The following ITFG1 variants were observed in gnomAD, a reference collection of about 807,000 sequenced individuals.
ITFG1 encodes T-cell immunomodulatory protein.
Under a neutral mutation model 81.8 loss-of-function variants are expected in ITFG1, and 34 were observed. The ratio of observed to expected loss-of-function variants is 0.42; its 90% CI spans 0.32 to 0.55. ITFG1 has a LOEUF of 0.55. Among genes scored for constraint, ITFG1 ranks in the 20% least tolerant of loss-of-function variants. ITFG1 has a pLI of 0.17. For missense variants in ITFG1, 672 were observed against 755.4 expected (o/e 0.89, Z 1.29); for synonymous variants, 285 against 270.6 (o/e 1.05, Z -0.52).
At chr16:47,312,864 T>C (rs1198186052) in intron 9 of ITFG1, 1 of 152,232 alleles carries the variant, frequency 6.6e-6, no homozygotes, top group Non-Finnish European at 1.5e-5. Flanking sequence ...TTTGAAAATA[T>C]TCTTACAGTA....
intron 6 of ITFG1, among the ~76,000 whole-genome samples, chr16:47,417,586 C>G (rs1307051733): frequency 6.6e-6 from 1 of 152,180 alleles, no homozygotes; most frequent in East Asian, 1.9e-4. Context: ...TTGACTATCT[C>G]TATGAGATAA....
At chr16:47,443,201 C>G (rs1001766244) in intron 5 of ITFG1, among the ~76,000 whole-genome samples, 1 of 152,148 alleles carries the variant, frequency 6.6e-6, no homozygotes, top group Non-Finnish European at 1.5e-5. Flanking sequence ...CAATGAGATA[C>G]CATTTCATAC....
At chr16:47,249,753 C>T (rs1000978257) in intron 12 of ITFG1, among the ~76,000 whole-genome samples, 1 of 152,150 alleles carries the variant, frequency 6.6e-6, no homozygotes, top group African/African-American at 2.4e-5. Flanking sequence ...CTGTATGTTA[C>T]AGTCCATGTA....
At chr16:47,361,537 A>C (rs1196609129) in intron 8 of ITFG1, among the ~76,000 whole-genome samples, 1 of 152,208 alleles carries the variant, frequency 6.6e-6, no homozygotes, top group Admixed American at 6.5e-5. Flanking sequence ...GCAAGACAGA[A>C]AACATGTCTT....
chr16:47,177,300 C>A (rs1022569522), intron 14 of ITFG1, among the ~76,000 whole-genome samples: 3 of 152,068 alleles, frequency 2.0e-5, no homozygotes, highest in African/African-American at 7.2e-5. Context: ...CCCGGCTATA[C>A]AATTATCATA....
At chr16:47,336,342 G>C (rs1967703268) in intron 8 of ITFG1, among the ~76,000 whole-genome samples, 1 of 152,206 alleles carries the variant, frequency 6.6e-6, no homozygotes, top group Non-Finnish European at 1.5e-5. Flanking sequence ...AGGAAAATTT[G>C]ACAGCATTTT....
intron 12 of ITFG1, among the ~76,000 whole-genome samples, chr16:47,244,767 A>G (rs1365400221): frequency 6.6e-6 from 1 of 151,916 alleles, no homozygotes; most frequent in Non-Finnish European, 1.5e-5. Context: ...GGAAGCAATT[A>G]AGGTTAAATG....
At chr16:47,321,289 T>C (rs188476596) in intron 8 of ITFG1, among the ~76,000 whole-genome samples, 209 of 152,318 alleles carry the variant, frequency 1.4e-3, no homozygotes, top group East Asian at 3.1e-3. Context: ...CTTGCTAAAA[T>C]GGACTCTGAA....
At chr16:47,313,464 C>T (rs1244319173) in intron 9 of ITFG1, among the ~76,000 whole-genome samples, 3 of 152,084 alleles carry the variant, frequency 2.0e-5, no homozygotes, top group Non-Finnish European at 4.4e-5. Flanking sequence ...TGCCATATTC[C>T]TGGCATATAA....
chr16:47,421,069 C>G (rs934338544), intron 6 of ITFG1, among the ~76,000 whole-genome samples: 4 of 151,816 alleles, frequency 2.6e-5, no homozygotes, highest in African/African-American at 9.7e-5. Context: ...AGAACTCTTG[C>G]TCATTTTTGG....
chr16:47,417,072 A>T (rs1968884379), intron 6 of ITFG1, among the ~76,000 whole-genome samples: 1 of 152,174 alleles, frequency 6.6e-6, no homozygotes, highest in African/African-American at 2.4e-5. Flanking sequence ...CAGTAAACTA[A>T]ATTGTTTTTG....
intron 14 of ITFG1, among the ~76,000 whole-genome samples, chr16:47,201,358 G>A (rs1334806422): frequency 1.3e-5 from 2 of 151,844 alleles, no homozygotes; most frequent in African/African-American, 2.4e-5. Flanking sequence ...ACAGGTGCCC[G>A]CCAACATGCC....
chr16:47,433,594 A>G (rs1270772637), intron 5 of ITFG1, among the ~76,000 whole-genome samples: 2 of 151,272 alleles, frequency 1.3e-5, no homozygotes, highest in African/African-American at 4.8e-5. Context: ...TAAGTTTTAT[A>G]CTTATTGCCT....
chr16:47,373,584 A>G (rs1968286513), intron 7 of ITFG1, among the ~76,000 whole-genome samples: 1 of 152,238 alleles, frequency 6.6e-6, no homozygotes, highest in South Asian at 2.1e-4. Context: ...CCTGGCCTAA[A>G]TACCACATCT....
intron 16 of ITFG1, 81 bp downstream of exon 16, chr16:47,161,669 A>C (rs1411098224): frequency 1.1e-6 from 1 of 887,598 alleles, no homozygotes; most frequent in African/African-American, 1.6e-5. Context: ...CAGGAATATG[A>C]GAGAGCTTAA....
intron 10 of ITFG1, among the ~76,000 whole-genome samples, chr16:47,262,371 T>C (rs1034987157): frequency 2.0e-5 from 3 of 152,234 alleles, no homozygotes; most frequent in Non-Finnish European, 2.9e-5. Context: ...TTCTAATTTA[T>C]AAAAATTTTT....
rs1451913981 is a variant in ITFG1, at chr16:47,313,760, G to A, written c.866C>T (p.Thr289Ile). The A allele has an allele frequency of 1.2e-6, 2 of 1,604,722 alleles. No homozygotes were observed. The highest frequency in any genetic ancestry group is 2.7e-5 in the African/African-American group (2 of 74,538). Residue 289 changes from threonine (T) to isoleucine (I), a missense_variant, in exon 9 of 18, where the codon ACC becomes ATC. Thr to Ile is a moderately conservative substitution (Grantham distance 89). Around this residue, in one of 3 missense-constraint regions of ITFG1, gnomAD observed 560 missense variants for 625.7 expected, o/e 0.90. Coordinates refer to ENST00000320640, the MANE Select transcript of ITFG1 (RefSeq NM_030790.5). The stretch of plus-strand genomic sequence containing the variant: ...CATCCCAGATCTCACTAAGTAGATG[G>A]TACTCTTTTGGCAATTTTTATCTTC... ...GCEDKNCQKS[T>I]IYLVRSGMKQ... is the part of the protein sequence containing the mutation.
chr16:47,459,254 G>A (rs1452671774), intron 1 of ITFG1, 79 bp from the exon 2 acceptor site: 6 of 944,450 alleles, frequency 6.4e-6, no homozygotes, highest in Non-Finnish European at 1.0e-5. Context: ...AAGGTTTCTG[G>A]GCACTGTTCT....
intron 4 of ITFG1, 108 bp downstream of exon 4, chr16:47,452,625 C>G: frequency 1.4e-6 from 1 of 696,884 alleles, no homozygotes; most frequent in South Asian, 1.8e-5. Flanking sequence ...GTACAGGCCT[C>G]TGAGTGAATT....
Sources: gnomAD v4.1 joint callset for allele counts (sites outside exome capture counted in the v4.1 genomes callset) on GRCh38, gnomAD v4.1.1 for gene constraint, gnomAD v4.1.1 regional missense constraint, MANE v1.5 for transcripts, NCBI Gene and HGNC (gene_info 2026-07-23, HGNC 2026-07-21) for gene names.